SH3PXD2A: variants seen among roughly 807,000 people sequenced by gnomAD.
SH3PXD2A encodes the protein SH3 and PX domain-containing protein 2A.
Under a neutral mutation model 115.2 loss-of-function variants are expected in SH3PXD2A, and 32 were observed. The observed-to-expected ratio is 0.28, with a 90% CI of 0.21 to 0.37. SH3PXD2A has a LOEUF of 0.37. Ranked by LOEUF, SH3PXD2A falls within the 10% of genes least tolerant of loss-of-function variation. The pLI is 1.00. For synonymous variants in SH3PXD2A, 610 were observed against 629.1 expected, an observed-to-expected ratio of 0.97 and a Z score of 0.45; for missense variants, 1,328 against 1,498.7, an observed-to-expected ratio of 0.89 and a Z score of 1.88.
At chr10:103,648,410 C>T (rs1235793390) in intron 8 of SH3PXD2A, among the ~76,000 whole-genome samples, 2 of 152,190 alleles carry the variant, frequency 1.3e-5, no homozygotes, top group African/African-American at 2.4e-5. Flanking sequence ...AGCCAAGAGT[C>T]TAAAGTAATA....
At chr10:103,745,726 C>T (rs1426427701) in intron 3 of SH3PXD2A, among the ~76,000 whole-genome samples, 3 of 152,236 alleles carry the variant, frequency 2.0e-5, no homozygotes, top group African/African-American at 2.4e-5. Flanking sequence ...CAAGGCCAAA[C>T]ACGAGCTCCC....
chr10:103,735,703 C>CCCAA, intron 4 of SH3PXD2A, 29 bp downstream of exon 4: 2 of 1,475,944 alleles, frequency 1.4e-6, no homozygotes, highest in South Asian at 1.1e-5. Context: ...CTCCCCGAGC[C>CCCAA]CCTCCCCCAG....
At chr10:103,758,543 T>C (rs2134214533) in intron 3 of SH3PXD2A, among the ~76,000 whole-genome samples, 1 of 152,380 alleles carries the variant, frequency 6.6e-6, no homozygotes, top group South Asian at 2.1e-4. Flanking sequence ...TTCTCAGTCA[T>C]ATCACCAGTG....
chr10:103,845,539 A>G (rs1162733316), intron 1 of SH3PXD2A, among the ~76,000 whole-genome samples: 1 of 152,302 alleles, frequency 6.6e-6, no homozygotes, highest in South Asian at 2.1e-4. Flanking sequence ...CACAAGAGGA[A>G]GCATGAATAA....
chr10:103,645,533 G>A (rs1378601541), intron 8 of SH3PXD2A, among the ~76,000 whole-genome samples: 2 of 152,152 alleles, frequency 1.3e-5, no homozygotes, highest in Admixed American at 1.3e-4. Flanking sequence ...CATGTAGTCT[G>A]CTTGGATACC....
intron 10 of SH3PXD2A, 146 bp from the exon 11 acceptor site, chr10:103,617,460 G>A: frequency 1.6e-6 from 1 of 632,692 alleles, no homozygotes; most frequent in Admixed American, 2.5e-5. Flanking sequence ...CCAGGGGAGG[G>A]AAGGACCAGG....
intron 1 of SH3PXD2A, among the ~76,000 whole-genome samples, chr10:103,831,392 G>A (rs903760030): frequency 6.6e-6 from 1 of 152,196 alleles, no homozygotes; most frequent in African/African-American, 2.4e-5. Context: ...CAGGCACATG[G>A]TAGAATTGTG....
chr10:103,605,603 G>A (rs2036288358), intron 14 of SH3PXD2A, among the ~76,000 whole-genome samples, 195 bp downstream of exon 14: 1 of 152,194 alleles, frequency 6.6e-6, no homozygotes, highest in South Asian at 2.1e-4. Context: ...AGGGTGGAGC[G>A]TGAGAGCTGG....
At chr10:103,777,543 C>T (rs990861620) in intron 2 of SH3PXD2A, among the ~76,000 whole-genome samples, 2 of 152,172 alleles carry the variant, frequency 1.3e-5, no homozygotes, top group Non-Finnish European at 2.9e-5. Context: ...GCGGATAGCC[C>T]GACACCTGCA....
intron 1 of SH3PXD2A, among the ~76,000 whole-genome samples, chr10:103,803,469 G>A (rs2039166903): frequency 6.6e-6 from 1 of 152,186 alleles, no homozygotes; most frequent in Non-Finnish European, 1.5e-5. Flanking sequence ...GCATGTATAT[G>A]CATTAGCTCA....
chr10:103,739,083 T>C (rs907184552), intron 3 of SH3PXD2A, among the ~76,000 whole-genome samples: 1 of 152,150 alleles, frequency 6.6e-6, no homozygotes, highest in African/African-American at 2.4e-5. Context: ...TTTTAAAAAC[T>C]AGTTAAGGAG....
chr10:103,602,239 C>A lies in SH3PXD2A; in HGVS notation c.2979G>T (p.Leu993=). ...ACTCATTCCTCCGCAGGGCGCAGGA[C>A]AGGTTGTTGTCCTTGGGTGGCGGGG... ...FVSPPPKDNN[L]SCALRRNESL... Residue 993 remains leucine (L), a synonymous_variant, in exon 15 of 15, where the codon CTG becomes CTT. Transcript: ENST00000369774. 6.2e-7 allele frequency: 1 copy of A among 1,608,688 alleles called. No individual in the cohort carries two copies. The highest frequency in any genetic ancestry group is 1.7e-4 in the Middle Eastern group (1 of 6,042).
At chr10:103,765,571 G>T (rs1057385989) in intron 3 of SH3PXD2A, among the ~76,000 whole-genome samples, 1 of 152,224 alleles carries the variant, frequency 6.6e-6, no homozygotes. Flanking sequence ...GAATAGTGAT[G>T]GGGTGCTCTT....
Position 103,806,650 on chromosome 10 carries a change from A to G in SH3PXD2A, c.73-5288T>C, listed in dbSNP as rs142427872. Among the ~76,000 whole-genome samples, 793 of 152,306 alleles carry G rather than the reference A, an allele frequency of 5.2e-3. 1 individual carries two copies. Among genetic ancestry groups the G allele is most frequent in the Middle Eastern group, 0.024 (7 of 294 alleles). On this transcript the variant is annotated intron_variant, in intron 1 of 14. Coordinates refer to ENST00000369774, the MANE Select transcript of SH3PXD2A (RefSeq NM_001394015.1). ...CTCAAGAAAAGTTTGGCAATTAAAT[A>G]TCCTGCTTCCAAACGCTTTACTTGG...
At chr10:103,752,520 C>T (rs1191460903) in intron 3 of SH3PXD2A, among the ~76,000 whole-genome samples, 2 of 152,172 alleles carry the variant, frequency 1.3e-5, no homozygotes, top group Non-Finnish European at 2.9e-5. Context: ...CACAGAAGAA[C>T]ACCACCCTAA....
chr10:103,797,744 G>A (rs1001331992), intron 2 of SH3PXD2A, among the ~76,000 whole-genome samples: 1 of 151,450 alleles, frequency 6.6e-6, no homozygotes, highest in Non-Finnish European at 1.5e-5. Flanking sequence ...GGGGTGAGGG[G>A]GTGGGGAAGG....
At position 103,733,266 on chromosome 10, in the gene SH3PXD2A, G is replaced by A. The variant is rs955245711; in HGVS notation, c.306+2466C>T. Among the ~76,000 whole-genome samples the A allele has an allele frequency of 5.3e-5, 8 of 152,132 alleles. 1 individual carries two copies. The highest frequency in any genetic ancestry group is 1.3e-4 in the Admixed American group (2 of 15,276). Reference sequence around the variant, plus strand: ...GGAGCTCCAGAGCCCCTCTGAATCAGGAGTCCTGTTCAAAGCCTGATCCCA... The same window carrying A: ...GGAGCTCCAGAGCCCCTCTGAATCAAGAGTCCTGTTCAAAGCCTGATCCCA... On this transcript the variant is annotated intron_variant, in intron 4 of 14. Coordinates refer to ENST00000369774, the MANE Select transcript of SH3PXD2A (RefSeq NM_001394015.1).
At chr10:103,762,744 C>T (rs1291007366) in intron 3 of SH3PXD2A, among the ~76,000 whole-genome samples, 1 of 152,156 alleles carries the variant, frequency 6.6e-6, no homozygotes, top group Non-Finnish European at 1.5e-5. Flanking sequence ...AGGTTCTAGC[C>T]CTGATGAAAA....
At chr10:103,717,474 G>C (rs1461243339) in intron 5 of SH3PXD2A, among the ~76,000 whole-genome samples, 1 of 152,162 alleles carries the variant, frequency 6.6e-6, no homozygotes, top group African/African-American at 2.4e-5. Context: ...GGGTGCTCCT[G>C]GTGGAGGGAA....
Sources: gnomAD v4.1 joint callset for allele counts (sites outside exome capture counted in the v4.1 genomes callset) on GRCh38, gnomAD v4.1.1 for gene constraint, MANE v1.5 for transcripts, NCBI Gene and HGNC (gene_info 2026-07-23, HGNC 2026-07-21) for gene names.